ZHX2: variants seen among roughly 807,000 people sequenced by gnomAD.
ZHX2 encodes zinc fingers and homeoboxes protein 2.
A neutral mutation model predicts 21.9 loss-of-function variants in ZHX2; 6 were observed. The ratio of observed to expected loss-of-function variants is 0.27; its 90% CI spans 0.15 to 0.54. The LOEUF is 0.54. ZHX2 is among the 20% of genes least tolerant of loss of function. The pLI, the probability that ZHX2 is intolerant of heterozygous loss-of-function variation, is 0.95. For missense variants in ZHX2, 908 were observed against 1,090.7 expected, an observed-to-expected ratio of 0.83 and a Z score of 2.36; for synonymous variants, 434 against 437.1, an observed-to-expected ratio of 0.99 and a Z score of 0.09.
chr8:122,950,933 C>T (rs184902921), intron 2 of ZHX2, among the ~76,000 whole-genome samples: 6 of 152,204 alleles, frequency 3.9e-5, no homozygotes, highest in Non-Finnish European at 7.4e-5. Flanking sequence ...GGACACATCT[C>T]GCTTCCGAGG....
chr8:122,827,644 A>T (rs1185031730), intron 1 of ZHX2, among the ~76,000 whole-genome samples: 5 of 152,264 alleles, frequency 3.3e-5, no homozygotes, highest in African/African-American at 7.2e-5. Flanking sequence ...CTGACTTCAG[A>T]ATCAGAATCT....
At chr8:122,843,660 C>T (rs1006662960) in intron 1 of ZHX2, among the ~76,000 whole-genome samples, 1 of 152,184 alleles carries the variant, frequency 6.6e-6, no homozygotes, top group Non-Finnish European at 1.5e-5. Context: ...TGGGTTTCTG[C>T]CTCGGTTCTG....
At chr8:122,799,840 T>C (rs1817682046) in intron 1 of ZHX2, among the ~76,000 whole-genome samples, 1 of 152,192 alleles carries the variant, frequency 6.6e-6, no homozygotes, top group Non-Finnish European at 1.5e-5. Flanking sequence ...ACATTTACAT[T>C]TGCTTTTCTT....
Position 122,951,435 on chromosome 8 carries a change from C to CT in ZHX2, c.-74dup. 1 of 1,343,600 alleles carries CT rather than the reference C, an allele frequency of 7.4e-7. No homozygotes were observed. Among genetic ancestry groups the CT allele is most frequent in the Non-Finnish European group, 1.0e-6 (1 of 982,938 alleles). The allele number at this position is 1,343,600 out of a possible 1,614,324, so 83.2% of individuals were successfully genotyped here. A position where few individuals can be genotyped will look rare whatever the true frequency, so the allele number is the denominator to read the frequency against. On this transcript the variant is annotated 5_prime_UTR_variant, in exon 3 of 4. Transcript: ENST00000314393. ...GGGAATAAAGCCAAAAGCCTTTCAC[C>CT]TTATTCGTTCCAAGAATCTCACCGC...
At chr8:122,819,118 G>A (rs139235583) in intron 1 of ZHX2, among the ~76,000 whole-genome samples, 1 of 152,344 alleles carries the variant, frequency 6.6e-6, no homozygotes, top group African/African-American at 2.4e-5. Context: ...GGCCAGATGG[G>A]AGGCCAGTGC....
intron 2 of ZHX2, among the ~76,000 whole-genome samples, chr8:122,937,357 A>G (rs935810953): frequency 2.0e-5 from 3 of 152,218 alleles, no homozygotes; most frequent in African/African-American, 4.8e-5. Context: ...AATAAGGAAC[A>G]TTACAGAAAG....
intron 1 of ZHX2, among the ~76,000 whole-genome samples, chr8:122,844,801 C>G (rs547853101): frequency 6.6e-6 from 1 of 152,306 alleles, no homozygotes; most frequent in South Asian, 2.1e-4. Flanking sequence ...AATGACTGCT[C>G]TTTACAGGAG....
At chr8:122,862,688 A>G (rs1158083217) in intron 1 of ZHX2, among the ~76,000 whole-genome samples, 1 of 152,194 alleles carries the variant, frequency 6.6e-6, no homozygotes, top group Non-Finnish European at 1.5e-5. Flanking sequence ...ACAGGAATGG[A>G]TGAAAAGAGA....
intron 1 of ZHX2, among the ~76,000 whole-genome samples, chr8:122,820,280 A>G (rs899638840): frequency 6.6e-6 from 1 of 152,168 alleles, no homozygotes; most frequent in African/African-American, 2.4e-5. Context: ...AGGGAGGAGC[A>G]GAGCTGGCCC....
chr8:122,820,730 C>T lies in ZHX2; in HGVS notation c.-283+38784C>T, dbSNP rs1319687516. ...AGAATGGAAGGAAAACTAAAGGAAG[C>T]TTCAACTCCACGAGATGGTTTTATG... On this transcript the variant is annotated intron_variant, in intron 1 of 3. Coordinates refer to ENST00000314393, the MANE Select transcript of ZHX2 (RefSeq NM_014943.5). Among the ~76,000 whole-genome samples the T allele has an allele frequency of 3.3e-5, 5 of 152,098 alleles. No individual in the cohort carries two copies. The South Asian group carries it at 6.2e-4, about 19-fold the overall frequency.
chr8:122,843,222 A>G (rs865887059), intron 1 of ZHX2, among the ~76,000 whole-genome samples: 1 of 152,350 alleles, frequency 6.6e-6, no homozygotes, highest in African/African-American at 2.4e-5. Context: ...CTAAATCAGT[A>G]TTTCTCATTA....
intron 1 of ZHX2, among the ~76,000 whole-genome samples, chr8:122,789,910 G>C (rs1817477732): frequency 6.6e-6 from 1 of 152,324 alleles, no homozygotes; most frequent in Admixed American, 6.5e-5. Context: ...TAGTCCAGGA[G>C]AGCCCGAAGA....
chr8:122,916,154 G>A (rs1215490410), intron 2 of ZHX2, among the ~76,000 whole-genome samples: 3 of 152,224 alleles, frequency 2.0e-5, no homozygotes, highest in Non-Finnish European at 4.4e-5. Flanking sequence ...GCTCTTTTAT[G>A]AGATTACAGA....
At chr8:122,831,879 G>C (rs1195737894) in intron 1 of ZHX2, among the ~76,000 whole-genome samples, 1 of 152,178 alleles carries the variant, frequency 6.6e-6, no homozygotes, top group Non-Finnish European at 1.5e-5. Context: ...GCTAGAGTGA[G>C]AGCTCGAGTG....
At chr8:122,946,033 G>T (rs1812968187) in intron 2 of ZHX2, among the ~76,000 whole-genome samples, 1 of 152,234 alleles carries the variant, frequency 6.6e-6, no homozygotes, top group Admixed American at 6.5e-5. Context: ...CCCAGGGCAA[G>T]AACCACGACT....
intron 2 of ZHX2, among the ~76,000 whole-genome samples, chr8:122,948,869 T>G (rs898061046): frequency 4.1e-4 from 63 of 152,200 alleles, no homozygotes; most frequent in African/African-American, 1.5e-3. Flanking sequence ...CTTAAGAAAA[T>G]GTAGATTAAT....
intron 1 of ZHX2, among the ~76,000 whole-genome samples, chr8:122,854,090 C>T (rs1161193454): frequency 6.6e-6 from 1 of 152,178 alleles, no homozygotes; most frequent in East Asian, 1.9e-4. Context: ...CTGGGAGTGG[C>T]TACTGGACCA....
chr8:122,796,197 T>G (rs1003777642), intron 1 of ZHX2, among the ~76,000 whole-genome samples: 1 of 151,676 alleles, frequency 6.6e-6, no homozygotes, highest in Non-Finnish European at 1.5e-5. Context: ...GATTAAATCC[T>G]TAGCAAGTAG....
At chr8:122,888,208 A>C (rs1329608618) in intron 2 of ZHX2, among the ~76,000 whole-genome samples, 2 of 151,994 alleles carry the variant, frequency 1.3e-5, no homozygotes, top group Non-Finnish European at 2.9e-5. Flanking sequence ...GAGCCTGCAG[A>C]GTTCAGAGTC....
Sources: allele counts gnomAD v4.1 joint callset (sites outside exome capture counted in the v4.1 genomes callset), GRCh38; gene constraint gnomAD v4.1.1; transcripts MANE v1.5; gene names NCBI Gene and HGNC (gene_info 2026-07-23, HGNC 2026-07-21).